Variants in PTPRD observed in about 807,000 individuals in gnomAD.
PTPRD encodes the protein protein tyrosine phosphatase receptor type D.
PTPRD carries 34 observed loss-of-function variants against 214.5 expected under a neutral mutation model. The observed-to-expected ratio is 0.16, with a 90% CI of 0.12 to 0.21. PTPRD has a LOEUF of 0.21. Among genes scored for constraint, PTPRD ranks in the 10% least tolerant of loss-of-function variants. PTPRD has a pLI of 1.00. For synonymous variants in PTPRD, 1,128 were observed against 845.7 expected, an observed-to-expected ratio of 1.33 and a Z score of -5.79; for missense variants, 2,545 against 2,398.7, an observed-to-expected ratio of 1.06 and a Z score of -1.27.
At chr9:10,418,253 T>G (rs1011031493) in intron 2 of PTPRD, among the ~76,000 whole-genome samples, 4 of 151,834 alleles carry the variant, frequency 2.6e-5, no homozygotes, top group Admixed American at 6.6e-5. Context: ...AAGACAAATA[T>G]AATAGCATTA....
In PTPRD at chr9:10,473,514, G is replaced by A. The variant is rs149243484; in HGVS notation, c.-599-132497C>T. On this transcript the variant is annotated intron_variant, in intron 2 of 45. Transcript: ENST00000381196. ...TGAACAAGACTGAGCTTGCACATGC[G>A]TGAGTGTGAGTGTGTATGTGTACAC... Among the ~76,000 whole-genome samples, 679 of 152,192 alleles carry A rather than the reference G, an allele frequency of 4.5e-3. 7 individuals are homozygous for A. The highest frequency in any genetic ancestry group is 0.015 in the African/African-American group (639 of 41,562).
chr9:9,627,668 A>G (rs1375607462), intron 7 of PTPRD, among the ~76,000 whole-genome samples: 1 of 152,116 alleles, frequency 6.6e-6, no homozygotes, highest in Non-Finnish European at 1.5e-5. Context: ...AATAAAGACT[A>G]ATAGGAGACA....
chr9:10,510,044 G>C (rs907008963), intron 2 of PTPRD, among the ~76,000 whole-genome samples: 5 of 151,980 alleles, frequency 3.3e-5, no homozygotes, highest in Non-Finnish European at 7.4e-5. Flanking sequence ...CTCAGCTCTA[G>C]TATACATATA....
chr9:9,359,744 A>C (rs963667795), intron 9 of PTPRD, among the ~76,000 whole-genome samples: 6 of 151,180 alleles, frequency 4.0e-5, no homozygotes, highest in African/African-American at 1.5e-4. Flanking sequence ...GCTGATAATG[A>C]CTTTATTGAC....
chr9:10,480,137 T>G (rs552465174), intron 2 of PTPRD, among the ~76,000 whole-genome samples: 1 of 142,474 alleles, frequency 7.0e-6, no homozygotes, highest in African/African-American at 2.6e-5. Flanking sequence ...AACAAAAAAT[T>G]AAACAGAAGA....
chr9:9,706,724 G>A (rs2097620386), intron 7 of PTPRD, among the ~76,000 whole-genome samples: 1 of 152,072 alleles, frequency 6.6e-6, no homozygotes, highest in South Asian at 2.1e-4. Flanking sequence ...GCAGGCATGA[G>A]CCACCATGCC....
chr9:10,599,213 G>A (rs995743775), intron 2 of PTPRD, among the ~76,000 whole-genome samples: 1 of 151,480 alleles, frequency 6.6e-6, no homozygotes, highest in Admixed American at 6.6e-5. Context: ...CTGTATCTAC[G>A]AATGACCATG....
chr9:8,860,700 A>C (rs2098086651), intron 11 of PTPRD: 1 of 152,210 alleles, frequency 6.6e-6, no homozygotes, highest in South Asian at 2.1e-4. Flanking sequence ...AAACTTCTGG[A>C]CTGGTTTACC....
chr9:8,766,902 A>C lies in PTPRD; in HGVS notation c.-103-32956T>G, dbSNP rs114396739. ...GTTTATATCAATTAGCCGATGGTGA[A>C]ATTGGCTTCATAGGTTTCGCATAAG... On this transcript the variant is annotated intron_variant, in intron 11 of 45. Coordinates refer to ENST00000381196, the MANE Select transcript of PTPRD (RefSeq NM_002839.4). Among the ~76,000 whole-genome samples the C allele has an allele frequency of 2.4e-3, 367 of 152,296 alleles. 2 individuals carry two copies. The highest frequency in any genetic ancestry group is 8.1e-3 in the African/African-American group (335 of 41,554).
intron 11 of PTPRD, among the ~76,000 whole-genome samples, chr9:8,915,233 A>G (rs2098776519): frequency 2.0e-5 from 3 of 152,186 alleles, no homozygotes; most frequent in Admixed American, 2.0e-4. Context: ...AGGCATCATA[A>G]TGAGATCAAC....
intron 12 of PTPRD, among the ~76,000 whole-genome samples, chr9:8,714,802 G>A (rs2098413188): frequency 6.6e-6 from 1 of 151,898 alleles, no homozygotes. Flanking sequence ...CCTTACTCTG[G>A]TCTTTCTCCC....
chr9:8,807,597 G>GC (rs371573769), intron 11 of PTPRD, among the ~76,000 whole-genome samples: 107 of 148,534 alleles, frequency 7.2e-4, no homozygotes, highest in African/African-American at 2.3e-3. Flanking sequence ...ACTTTGAATA[G>GC]CTTTTTTTTT....
At chr9:9,982,793 C>A (rs765406259) in intron 4 of PTPRD, among the ~76,000 whole-genome samples, 3 of 152,002 alleles carry the variant, frequency 2.0e-5, no homozygotes, top group Admixed American at 6.6e-5. Context: ...GCAAGGAGGA[C>A]AATATTTCAC....
intron 7 of PTPRD, among the ~76,000 whole-genome samples, chr9:9,637,653 A>T (rs929631664): frequency 3.9e-5 from 6 of 152,172 alleles, no homozygotes; most frequent in Admixed American, 3.9e-4. Flanking sequence ...TGCATGCCTG[A>T]GGCCTTTCCA....
intron 7 of PTPRD, among the ~76,000 whole-genome samples, chr9:9,669,291 CAGAT>C (rs2096781110): frequency 6.6e-6 from 1 of 151,930 alleles, no homozygotes; most frequent in Non-Finnish European, 1.5e-5. Flanking sequence ...AGGAACACAA[CAGAT>C]AGAGATTCTA....
At chr9:9,158,411 C>T (rs902402498) in intron 10 of PTPRD, among the ~76,000 whole-genome samples, 2 of 151,866 alleles carry the variant, frequency 1.3e-5, no homozygotes, top group Non-Finnish European at 2.9e-5. Flanking sequence ...ATCAGCCTGG[C>T]CAACATGCTA....
chr9:9,592,224 C>G (rs949929439), intron 7 of PTPRD, among the ~76,000 whole-genome samples: 10 of 151,948 alleles, frequency 6.6e-5, no homozygotes, highest in African/African-American at 2.4e-4. Context: ...AAATTTATGG[C>G]CTTTTGCCTA....
At chr9:9,901,592 A>T (rs887803609) in intron 5 of PTPRD, among the ~76,000 whole-genome samples, 1 of 152,052 alleles carries the variant, frequency 6.6e-6, no homozygotes, top group Non-Finnish European at 1.5e-5. Flanking sequence ...TAAAATAAAT[A>T]AATTCTTAAT....
chr9:8,860,437 A>G (rs1443695322), intron 11 of PTPRD: 1 of 152,228 alleles, frequency 6.6e-6, no homozygotes, highest in African/African-American at 2.4e-5. Flanking sequence ...ACAACCAAAC[A>G]TCAAACATCT....
Sources: gnomAD v4.1 joint callset for allele counts (sites outside exome capture counted in the v4.1 genomes callset) on GRCh38, gnomAD v4.1.1 for gene constraint, MANE v1.5 for transcripts, NCBI Gene and HGNC (gene_info 2026-07-23, HGNC 2026-07-21) for gene names.